Variants in NPIPB11 observed in about 807,000 individuals in gnomAD.
NPIPB11 encodes the protein nuclear pore complex-interacting protein family member B11.
NPIPB11 carries 17 observed loss-of-function variants against 32.8 expected under a neutral mutation model. The ratio of observed to expected loss-of-function variants is 0.52; its 90% confidence interval spans 0.35 to 0.78. The LOEUF (loss-of-function observed/expected upper bound fraction) is 0.78, where lower values mean the gene tolerates loss of function less well. NPIPB11 is among the 30% of genes least tolerant of loss of function. The pLI is 0.01. For synonymous variants in NPIPB11, 209 were observed against 398.4 expected (o/e 0.52, Z 5.66); for missense variants, 537 against 1,000.4 (o/e 0.54, Z 6.25).
At chr16:29,406,346 A>G (rs1436365452), upstream of NPIPB11, among the ~76,000 whole-genome samples, 1 of 152,296 alleles carries the variant, frequency 6.6e-6, no homozygotes, top group African/African-American at 2.4e-5. Flanking sequence ...CAAAAATTGC[A>G]TACATTTATA....
upstream of NPIPB11, among the ~76,000 whole-genome samples, chr16:29,405,471 G>A (rs144154841): frequency 1.8e-3 from 277 of 152,216 alleles, 4 homozygotes; most frequent in African/African-American, 5.1e-3. Context: ...TAATTAAGCC[G>A]TCACCACGTG....
At chr16:29,402,627 C>T (rs1215130808) in intron 2 of NPIPB11, among the ~76,000 whole-genome samples, 6 of 138,810 alleles carry the variant, frequency 4.3e-5, no homozygotes, top group Non-Finnish European at 7.6e-5. Context: ...TGCTTGAACC[C>T]GGGAGACGGA....
chr16:29,405,154 G>A (rs2142143326), upstream of NPIPB11, among the ~76,000 whole-genome samples: 1 of 152,064 alleles, frequency 6.6e-6, no homozygotes, highest in South Asian at 2.1e-4. Flanking sequence ...TGAAACATTA[G>A]TGCAAATGTT....
chr16:29,400,753 G>A (rs1357365275), intron 2 of NPIPB11, among the ~76,000 whole-genome samples: 5 of 152,142 alleles, frequency 3.3e-5, no homozygotes, highest in African/African-American at 1.2e-4. Flanking sequence ...TCCATCTTCA[G>A]TGGCATTGGG....
intron 2 of NPIPB11, among the ~76,000 whole-genome samples, chr16:29,399,192 T>A (rs1963930156): frequency 1.3e-5 from 2 of 152,152 alleles, no homozygotes; most frequent in South Asian, 4.1e-4. Flanking sequence ...GGCCCTGTCC[T>A]CAGTTAAACT....
At chr16:29,398,542 T>C (rs1287914200) in intron 2 of NPIPB11, among the ~76,000 whole-genome samples, 1 of 150,824 alleles carries the variant, frequency 6.6e-6, no homozygotes, top group African/African-American at 2.4e-5. Context: ...GCATGCATGG[T>C]ACATTTACAA....
intron 3 of NPIPB11, among the ~76,000 whole-genome samples, chr16:29,391,037 C>T (rs62035599): frequency 4.1e-4 from 62 of 150,644 alleles, no homozygotes; most frequent in Non-Finnish European, 2.9e-4. Flanking sequence ...GGGAGGCCGA[C>T]GCGGGTGAAT....
intron 3 of NPIPB11, among the ~76,000 whole-genome samples, chr16:29,392,332 G>C (rs1346458936): frequency 6.6e-6 from 1 of 151,746 alleles, no homozygotes; most frequent in African/African-American, 2.4e-5. Flanking sequence ...AGATGACAAG[G>C]ACAAAGATGA....
intron 5 of NPIPB11, among the ~76,000 whole-genome samples, chr16:29,389,714 A>G (rs894844022): frequency 6.1e-5 from 9 of 147,348 alleles, no homozygotes; most frequent in Non-Finnish European, 9.0e-5. Context: ...AGGAAAACCA[A>G]TGCCAGTACT....
At chr16:29,397,312 T>C (rs905779101) in intron 2 of NPIPB11, among the ~76,000 whole-genome samples, 1 of 151,664 alleles carries the variant, frequency 6.6e-6, no homozygotes, top group Non-Finnish European at 1.5e-5. Context: ...GCCCAAGCGA[T>C]CCTCCCACCT....
At chr16:29,394,009 A>T (rs1486353820) in exon 3 of NPIPB11, 18 of 1,599,432 alleles carry the variant, frequency 1.1e-5, no homozygotes, top group Non-Finnish European at 1.4e-5. Flanking sequence ...CGCAATAATA[A>T]TATGTAACCA....
At chr16:29,402,034 A>G (rs1212907037) in intron 2 of NPIPB11, among the ~76,000 whole-genome samples, 1 of 151,528 alleles carries the variant, frequency 6.6e-6, no homozygotes, top group Non-Finnish European at 1.5e-5. Context: ...GGTCAGACAC[A>G]CGTAGGTTTC....
At chr16:29,390,261 G>T (rs572030893) in exon 4 of NPIPB11, 28 of 1,587,492 alleles carry the variant, frequency 1.8e-5, no homozygotes, top group Admixed American at 3.4e-5. Context: ...TCCTGTCTAC[G>T]GCGGTTGGAC....
chr16:29,389,110 G>C (rs560224442), intron 5 of NPIPB11, among the ~76,000 whole-genome samples: 1 of 150,742 alleles, frequency 6.6e-6, no homozygotes, highest in African/African-American at 2.4e-5. Flanking sequence ...GATAAGAATC[G>C]CTTGAACCTG....
At chr16:29,382,223 A>T in exon 8 of NPIPB11, 1 of 1,567,570 alleles carries the variant, frequency 6.4e-7, no homozygotes, top group South Asian at 1.1e-5. Context: ...GAGTGAGCTG[A>T]CGTTTGGAAG....
chr16:29,390,729 T>C lies in NPIPB11; in HGVS notation c.250-381A>G, dbSNP rs377622043. Among the ~76,000 whole-genome samples the C allele has an allele frequency of 2.1e-4, 32 of 151,550 alleles. No homozygotes were observed. In the East Asian group the frequency reaches 3.3e-3, roughly 16 times the overall value. On this transcript the variant is annotated intron_variant, in intron 3 of 7. Coordinates refer to ENST00000524087, the Ensembl canonical transcript of NPIPB11. The stretch of plus-strand genomic sequence containing the variant: ...CTGTAATCCCAGCACTTTGGGAGGC[T>C]GAGGCAGGCGGATCACCTGAGGTCG...
upstream of NPIPB11, among the ~76,000 whole-genome samples, chr16:29,406,519 A>G (rs910749763): frequency 6.6e-6 from 1 of 152,304 alleles, no homozygotes; most frequent in African/African-American, 2.4e-5. Flanking sequence ...GGAGTTCCAG[A>G]CCAGCCTAAT....
exon 8 of NPIPB11, chr16:29,383,005 G>C (rs1296922787): frequency 5.6e-6 from 9 of 1,606,110 alleles, no homozygotes; most frequent in East Asian, 4.5e-5. Context: ...CTCGGAAGGT[G>C]TCTTGAGATT....
At chr16:29,405,422 C>T (rs978056936), upstream of NPIPB11, among the ~76,000 whole-genome samples, 11 of 152,146 alleles carry the variant, frequency 7.2e-5, no homozygotes, top group African/African-American at 2.4e-4. Flanking sequence ...CTCTCTTATG[C>T]AACTCACATT....
Sources: allele counts gnomAD v4.1 joint callset (sites outside exome capture counted in the v4.1 genomes callset), GRCh38; gene constraint gnomAD v4.1.1; transcripts MANE v1.5; gene names NCBI Gene and HGNC (gene_info 2026-07-23, HGNC 2026-07-21).